Variants in GFPT1 observed in about 807,000 individuals in gnomAD.
GFPT1 encodes the protein glutamine--fructose-6-phosphate aminotransferase [isomerizing] 1.
GFPT1 carries 40 observed loss-of-function variants against 92.0 expected under a neutral mutation model. The observed-to-expected ratio is 0.43, with a 90% CI of 0.34 to 0.57. The LOEUF (loss-of-function observed/expected upper bound fraction) is 0.57, where lower values mean the gene tolerates loss of function less well. Ranked by LOEUF, GFPT1 falls within the 20% of genes least tolerant of loss-of-function variation. The pLI, the probability that GFPT1 is intolerant of heterozygous loss-of-function variation, is 0.02. For missense variants in GFPT1, 448 were observed against 869.1 expected (o/e 0.52, Z 6.09); for synonymous variants, 269 against 280.6 (o/e 0.96, Z 0.41).
chr2:69,343,548 T>C (rs796715527), intron 12 of GFPT1, among the ~76,000 whole-genome samples: 7 of 151,972 alleles, frequency 4.6e-5, no homozygotes, highest in African/African-American at 1.7e-4. Context: ...GTAGCTGGGA[T>C]TACAGGCCGC....
Position 69,338,068 on chromosome 2 carries a change from T to G in GFPT1, c.1325-13A>C. The G allele has an allele frequency of 6.2e-7, 1 of 1,613,580 alleles. No homozygotes were observed. The highest frequency in any genetic ancestry group is 1.3e-5 in the African/African-American group (1 of 75,058). On this transcript the variant is annotated splice_polypyrimidine_tract_variant and intron_variant, in intron 14 of 19. Coordinates refer to ENST00000357308, the MANE Select transcript of GFPT1 (RefSeq NM_001244710.2). ...TCTGCTGTCTCACCTGTGTAAAAAGTAGGCCAACCATAACACACAGAACAG... is the reference window on the plus strand; with the variant it reads ...TCTGCTGTCTCACCTGTGTAAAAAGGAGGCCAACCATAACACACAGAACAG...
At chr2:69,368,299 C>T (rs1671659213) in intron 3 of GFPT1, among the ~76,000 whole-genome samples, 1 of 152,210 alleles carries the variant, frequency 6.6e-6, no homozygotes, top group African/African-American at 2.4e-5. Context: ...AGGAGAATGG[C>T]GTGAACCAGG....
intron 13 of GFPT1, among the ~76,000 whole-genome samples, chr2:69,340,958 C>CA (rs1004056291): frequency 6.6e-6 from 1 of 151,384 alleles, no homozygotes; most frequent in African/African-American, 2.4e-5. Context: ...TTCCCGTGTT[C>CA]AAAATTTTTT....
chr2:69,383,964 G>C (rs190014255), intron 1 of GFPT1, among the ~76,000 whole-genome samples: 4 of 152,280 alleles, frequency 2.6e-5, no homozygotes, highest in Admixed American at 2.6e-4. Context: ...CGAATCAGAA[G>C]GGTATAACTT....
chr2:69,328,094 C>CAAAAA (rs1175703265), intron 18 of GFPT1, among the ~76,000 whole-genome samples, 177 bp downstream of exon 18: 1 of 82,750 alleles, frequency 1.2e-5, no homozygotes, highest in Admixed American at 1.3e-4. Context: ...GACTCCATCT[C>CAAAAA]AAAAAAAAAA....
chr2:69,369,976 A>T, intron 3 of GFPT1, 25 bp downstream of exon 3: 1 of 1,264,562 alleles, frequency 7.9e-7, no homozygotes, highest in Non-Finnish European at 1.2e-6. Flanking sequence ...GGGAAAGGGG[A>T]CAAAAATCAA....
intron 9 of GFPT1, among the ~76,000 whole-genome samples, chr2:69,351,405 A>C (rs1204859653): frequency 6.6e-6 from 1 of 152,230 alleles, no homozygotes; most frequent in Non-Finnish European, 1.5e-5. Flanking sequence ...ACATAACAGA[A>C]CTTAGAACTA....
chr2:69,326,879 C>A (rs772942481), intron 19 of GFPT1, 35 bp downstream of exon 19: 3 of 1,608,434 alleles, frequency 1.9e-6, no homozygotes, highest in Non-Finnish European at 2.6e-6. Context: ...AGGTAAAAAA[C>A]CATCCCAAGA....
In GFPT1 at chr2:69,332,868, C is replaced by T. The variant is rs887081406; in HGVS notation, c.1483-3070G>A. 2.4e-3 allele frequency among the ~76,000 whole-genome samples: 10 copies of T among 4,250 alleles called. No individual in the cohort carries two copies. The African/African-American group carries it at 0.027, about 12-fold the overall frequency. The allele number at this position is 4,250 out of a possible 152,430, so 2.8% of individuals were successfully genotyped here. On this transcript the variant is annotated intron_variant, in intron 15 of 19. Coordinates refer to ENST00000357308, the MANE Select transcript of GFPT1 (RefSeq NM_001244710.2). ...GATTACTCCATTAGTGATTTCCTGG[C>T]ATGATGTGGATGAGACTCCCTCTAT...
Position 69,387,207 on chromosome 2 carries a change from G to T in GFPT1, c.-136C>A. ...ACACGACTCCCTCGGGGATGCGACG[G>T]CCAAGGCAACGACAGCCTTCTCCGC... is the stretch of plus-strand genomic sequence containing the variant. On this transcript the variant is annotated 5_prime_UTR_variant, in exon 1 of 20. Coordinates refer to ENST00000357308, the MANE Select transcript of GFPT1 (RefSeq NM_001244710.2). 2.0e-6 allele frequency: 2 copies of T among 977,600 alleles called. No homozygotes were observed. Among genetic ancestry groups the T allele is most frequent in the Non-Finnish European group, 2.9e-6 (2 of 694,824 alleles). 60.6% of individuals were successfully genotyped at this position (977,600 alleles called of 1,614,324 possible).
intron 3 of GFPT1, 26 bp from the exon 4 acceptor site, chr2:69,363,696 C>A (rs776827091): frequency 9.9e-6 from 15 of 1,515,672 alleles, no homozygotes; most frequent in Non-Finnish European, 1.4e-5. Flanking sequence ...AGAAAAATTT[C>A]AATATTAAAT....
intron 4 of GFPT1, among the ~76,000 whole-genome samples, chr2:69,360,328 CAAAAAAAAAA>C (rs576395697): frequency 1.5e-4 from 12 of 78,442 alleles, no homozygotes; most frequent in East Asian, 4.1e-4. Context: ...GATTCTGTCT[CAAAAAAAAAA>C]AAAAAAAAAA....
intron 11 of GFPT1, among the ~76,000 whole-genome samples, chr2:69,346,898 A>T (rs189519444): frequency 3.3e-5 from 5 of 150,978 alleles, no homozygotes; most frequent in Admixed American, 2.0e-4. Flanking sequence ...CCCGGCTCAT[A>T]GTTTTGTTTT....
chr2:69,356,806 C>T lies in GFPT1; in HGVS notation c.544-249G>A, dbSNP rs371025360. On this transcript the variant is annotated intron_variant, in intron 6 of 19. Transcript: ENST00000357308. ...AGGCTGGGGTGCAGTGGCACGATCT[C>T]GGCTCACTGCAACCCCCAACTCCCT... Among the ~76,000 whole-genome samples, 118 of 151,264 alleles carry T rather than the reference C, an allele frequency of 7.8e-4. 2 individuals are homozygous for T. The highest frequency in any genetic ancestry group is 6.2e-4 in the South Asian group (3 of 4,808).
chr2:69,361,385 T>C (rs968314943), intron 4 of GFPT1, among the ~76,000 whole-genome samples: 2 of 148,474 alleles, frequency 1.3e-5, no homozygotes, highest in Admixed American at 6.8e-5. Flanking sequence ...GAGGCAGAGG[T>C]TGCAGTGAGC....
chr2:69,369,011 G>T (rs537593714), intron 3 of GFPT1, among the ~76,000 whole-genome samples: 1 of 152,178 alleles, frequency 6.6e-6, no homozygotes, highest in South Asian at 2.1e-4. Flanking sequence ...CAACTTGTGG[G>T]AACTCTCCCC....
intron 9 of GFPT1, among the ~76,000 whole-genome samples, chr2:69,352,953 T>C (rs954388238): frequency 2.1e-5 from 3 of 143,602 alleles, no homozygotes; most frequent in Non-Finnish European, 3.1e-5. Flanking sequence ...GGCTGAGGCA[T>C]GAGACTCGCT....
At chr2:69,361,028 C>T (rs1671459760) in intron 4 of GFPT1, among the ~76,000 whole-genome samples, 4 of 152,106 alleles carry the variant, frequency 2.6e-5, no homozygotes, top group Non-Finnish European at 2.9e-5. Context: ...AGTCACCACA[C>T]CCGGCCCCCA....
intron 12 of GFPT1, among the ~76,000 whole-genome samples, chr2:69,343,639 T>C (rs1671010278): frequency 6.6e-6 from 1 of 151,968 alleles, no homozygotes; most frequent in Non-Finnish European, 1.5e-5. Flanking sequence ...CTCGGACTCC[T>C]GACCTCAAGT....
Sources: gnomAD v4.1 joint callset for allele counts (sites outside exome capture counted in the v4.1 genomes callset) on GRCh38, gnomAD v4.1.1 for gene constraint, MANE v1.5 for transcripts, NCBI Gene and HGNC (gene_info 2026-07-23, HGNC 2026-07-21) for gene names.